The following CREBBP variants were observed in gnomAD, a reference collection of about 807,000 sequenced individuals.
CREBBP encodes CREB binding lysine acetyltransferase, also known as CREB-binding protein.
In CREBBP, 19 loss-of-function variants were observed where a neutral mutation model predicts 265.0. That is an observed-to-expected ratio of 0.07 (90% CI 0.05 to 0.11). The LOEUF (loss-of-function observed/expected upper bound fraction) is 0.11. Among genes scored for constraint, CREBBP ranks in the 10% least tolerant of loss-of-function variants. The pLI is 1.00. For missense variants in CREBBP, 2,525 were observed against 3,219.0 expected (o/e 0.78, Z 5.22); for synonymous variants, 1,457 against 1,223.7 (o/e 1.19, Z -3.98).
rs1209302399 is a variant in CREBBP at position 3,727,888 on chromosome 16, G to C, written c.7159C>G (p.Leu2387Val). Residue 2387 changes from leucine (L) to valine (V), a missense_variant, in exon 31 of 31, where the codon CTC becomes GTC. Leu to Val is a conservative substitution (Grantham distance 32). Around this residue, in one of 19 missense-constraint regions of CREBBP, gnomAD observed 473 missense variants for 459.3 expected, o/e 1.03. Coordinates refer to ENST00000262367, the MANE Select transcript of CREBBP (RefSeq NM_004380.3). ...SPQTGSPHPG[L>V]AVTMASSIDQ... is the part of the protein sequence containing the mutation. ...ATGGAGCTGGCCATGGTGACTGCGA[G>C]TCCGGGGTGGGGGGAACCAGTCTGG... 1 of 1,613,452 alleles carries C rather than the reference G, an allele frequency of 6.2e-7. No individual in the cohort carries two copies. Among genetic ancestry groups the C allele is most frequent in the Non-Finnish European group, 8.5e-7 (1 of 1,179,562 alleles).
At position 3,850,804 on chromosome 16, in the gene CREBBP, C is replaced by G. The variant is rs1249950865; in HGVS notation, c.291G>C (p.Gln97His). The G allele has an allele frequency of 6.2e-7, 1 of 1,614,164 alleles. No individual in the cohort carries two copies. The highest frequency in any genetic ancestry group is 2.2e-5 in the East Asian group (1 of 44,870). ...GNVSASSPVQ[Q>H]GLGGQAQGQP... ...GCCCTTGAGCCTGGCCACCCAGGCC[C>G]TGCTGCACGGGGCTGCTGGCGCTCA... The change falls in exon 2 of 31, where the codon CAG (glutamine) becomes CAC (histidine). Residue 97 changes from glutamine (Q) to histidine (H), a missense_variant. Coordinates refer to ENST00000262367, the MANE Select transcript of CREBBP (RefSeq NM_004380.3).
intron 19 of CREBBP, among the ~76,000 whole-genome samples, chr16:3,756,180 C>T (rs1015756711): frequency 6.6e-6 from 1 of 152,136 alleles, no homozygotes; most frequent in South Asian, 2.1e-4. Context: ...AAACGCCAAA[C>T]CCCACTGTTG....
intron 28 of CREBBP, among the ~76,000 whole-genome samples, chr16:3,735,321 G>C (rs557659759): frequency 1.3e-5 from 2 of 152,228 alleles, no homozygotes; most frequent in South Asian, 4.1e-4. Context: ...TTCTGAAACG[G>C]AGTCTCGCAC....
intron 11 of CREBBP, among the ~76,000 whole-genome samples, chr16:3,775,699 C>G (rs775995431): frequency 5.3e-5 from 8 of 152,148 alleles, no homozygotes; most frequent in Non-Finnish European, 1.0e-4. Flanking sequence ...TACTAAGGAA[C>G]AGCACTTAAA....
chr16:3,826,922 T>C (rs750147371), intron 2 of CREBBP, among the ~76,000 whole-genome samples: 47 of 152,106 alleles, frequency 3.1e-4, no homozygotes, highest in Non-Finnish European at 6.0e-4. Context: ...CAATAGGAAG[T>C]GCGTGGATGG....
rs1567265093 is a variant in CREBBP at position 3,731,177 on chromosome 16, G to C, written c.5172+15C>G. The C allele has an allele frequency of 1.2e-6, 2 of 1,605,454 alleles. No homozygotes were observed. Among genetic ancestry groups the C allele is most frequent in the East Asian group, 4.5e-5 (2 of 44,668 alleles). The stretch of plus-strand genomic sequence containing the variant: ...CCAGGCCGGCTGTGGGGGTGGGGGT[G>C]GGGGCAGGGCCTACCTCGCACACAG... On this transcript the variant is annotated intron_variant, in intron 30 of 30. Transcript: ENST00000262367. This position sits in a 1 kb window ranked among gnomAD's most constrained non-coding sequence, Gnocchi z 7.7.
intron 2 of CREBBP, among the ~76,000 whole-genome samples, chr16:3,816,675 A>G (rs752155688): frequency 2.0e-5 from 3 of 152,178 alleles, no homozygotes; most frequent in Non-Finnish European, 4.4e-5. Flanking sequence ...CGGAAAGTAC[A>G]AAGTACCACA....
chr16:3,874,114 A>G (rs1347831304), intron 1 of CREBBP, among the ~76,000 whole-genome samples: 1 of 152,204 alleles, frequency 6.6e-6, no homozygotes, highest in African/African-American at 2.4e-5. Flanking sequence ...GGTCAACAAA[A>G]AGCAAAAGAA....
At chr16:3,826,547 G>A (rs983560746) in intron 2 of CREBBP, among the ~76,000 whole-genome samples, 3 of 151,982 alleles carry the variant, frequency 2.0e-5, no homozygotes, top group African/African-American at 7.3e-5. Flanking sequence ...AAAGTGACGT[G>A]GTAAAAATGG....
At chr16:3,798,203 C>G (rs1340278483) in intron 3 of CREBBP, among the ~76,000 whole-genome samples, 1 of 152,158 alleles carries the variant, frequency 6.6e-6, no homozygotes, top group African/African-American at 2.4e-5. Context: ...AACACTTCAA[C>G]GTAAGAGTGA....
At chr16:3,875,542 C>G (rs1336844168) in intron 1 of CREBBP, among the ~76,000 whole-genome samples, 1 of 152,174 alleles carries the variant, frequency 6.6e-6, no homozygotes, top group African/African-American at 2.4e-5. Context: ...TGGCTGCCCC[C>G]ACCACAGGTG....
intron 1 of CREBBP, among the ~76,000 whole-genome samples, chr16:3,863,659 C>T (rs1320414657): frequency 1.3e-5 from 2 of 152,168 alleles, no homozygotes; most frequent in African/African-American, 4.8e-5. Context: ...TCTTTGTCAC[C>T]TGGGACCCTA....
In CREBBP at chr16:3,729,093, C is replaced by T. The variant is rs1413535883; in HGVS notation, c.5954G>A (p.Arg1985His). 11 of 1,583,892 alleles carry T rather than the reference C, an allele frequency of 6.9e-6. No homozygotes were observed. Among genetic ancestry groups the T allele is most frequent in the African/African-American group, 2.7e-5 (2 of 74,320 alleles). Reference sequence around the variant, plus strand: ...GCTCCCCGGGGTCCCCATGCCCGTGCGTCCTGGGGGCATGCTGTTGTTGAT... The same window carrying T: ...GCTCCCCGGGGTCCCCATGCCCGTGTGTCCTGGGGGCATGCTGTTGTTGAT... The part of the protein sequence containing the change: ...VNINNSMPPG[R>H]TGMGTPGSQM... The change falls in exon 31 of 31, where the codon CGC (arginine) becomes CAC (histidine). Residue 1985 changes from arginine (R) to histidine (H), a missense_variant. Physicochemically the swap from Arg to His is conservative, Grantham distance 29. Coordinates refer to ENST00000262367, the MANE Select transcript of CREBBP (RefSeq NM_004380.3).
chr16:3,862,104 A>T (rs1264621553), intron 1 of CREBBP, among the ~76,000 whole-genome samples: 1 of 152,216 alleles, frequency 6.6e-6, no homozygotes, highest in Non-Finnish European at 1.5e-5. Context: ...ACTCTAATTG[A>T]GGAAGACAGC....
At position 3,770,890 on chromosome 16, in the gene CREBBP, G is replaced by A. The variant is rs2052989178; in HGVS notation, c.2560C>T (p.His854Tyr). The A allele has an allele frequency of 1.9e-6, 3 of 1,613,880 alleles. No homozygotes were observed. In the Admixed American group the frequency reaches 5.0e-5, roughly 27 times the overall value. Reference protein sequence around the residue: ...PCPPVTQSPLHPTPPPASTAA... With the variant: ...PCPPVTQSPLYPTPPPASTAA... ...GTGGAAGCAGGAGGCGGTGTTGGGT[G>A]CAGTGGTGACTGTGTCACTGGAGGG... Residue 854 changes from histidine (H) to tyrosine (Y), a missense_variant, in exon 14 of 31, where the codon CAC becomes TAC. Around this residue, in one of 19 missense-constraint regions of CREBBP, gnomAD observed 548 missense variants for 533.0 expected, o/e 1.03. Transcript: ENST00000262367.
intron 16 of CREBBP, among the ~76,000 whole-genome samples, chr16:3,762,578 G>A (rs1425689245): frequency 2.0e-5 from 3 of 151,952 alleles, no homozygotes; most frequent in Admixed American, 6.6e-5. Context: ...GAACTGCGCC[G>A]CTCCCCTCCT....
At chr16:3,776,972 C>T (rs966754387) in intron 11 of CREBBP, among the ~76,000 whole-genome samples, 11 of 135,936 alleles carry the variant, frequency 8.1e-5, no homozygotes, top group African/African-American at 2.5e-4. Flanking sequence ...GAGCCCAGAT[C>T]GTGCCACTGC....
intron 3 of CREBBP, among the ~76,000 whole-genome samples, chr16:3,799,303 T>C (rs2053667797): frequency 1.3e-5 from 2 of 152,248 alleles, no homozygotes; most frequent in African/African-American, 4.8e-5. Context: ...GCAAGGACTA[T>C]ATGGTACATG....
At chr16:3,781,151 T>C in intron 7 of CREBBP, 53 bp downstream of exon 7, 1 of 1,494,728 alleles carries the variant, frequency 6.7e-7, no homozygotes, top group Non-Finnish European at 9.3e-7. Flanking sequence ...TTTGTGTGGT[T>C]CTCAGTCCAT....
Sources: allele counts gnomAD v4.1 joint callset (sites outside exome capture counted in the v4.1 genomes callset), GRCh38; gene constraint gnomAD v4.1.1; regional missense constraint gnomAD v4.1.1; non-coding constraint Gnocchi (gnomAD v3.1); transcripts MANE v1.5; gene names NCBI Gene and HGNC (gene_info 2026-07-23, HGNC 2026-07-21).